Variants in SUGP1 observed in about 807,000 individuals in gnomAD.
SUGP1 encodes the protein SURP and G-patch domain-containing protein 1.
In SUGP1, 34 loss-of-function variants were observed where a neutral mutation model predicts 76.5. The ratio of observed to expected loss-of-function variants is 0.44; its 90% confidence interval spans 0.34 to 0.59. SUGP1 has a LOEUF of 0.59. Ranked by LOEUF, SUGP1 falls within the 20% of genes least tolerant of loss-of-function variation. SUGP1 has a pLI of 0.01. For synonymous variants in SUGP1, 326 were observed against 326.2 expected, an observed-to-expected ratio of 1.00 and a Z score of 0.01; for missense variants, 752 against 851.7, an observed-to-expected ratio of 0.88 and a Z score of 1.46.
At chr19:19,279,995 G>A (rs2061085222) in intron 9 of SUGP1, among the ~76,000 whole-genome samples, 190 bp downstream of exon 9, 1 of 152,202 alleles carries the variant, frequency 6.6e-6, no homozygotes, top group African/African-American at 2.4e-5. Context: ...GGTGCAGTGG[G>A]GGGTGGCATG....
chr19:19,296,918 C>G, intron 8 of SUGP1, 71 bp downstream of exon 8: 3 of 1,300,736 alleles, frequency 2.3e-6, no homozygotes, highest in Non-Finnish European at 2.1e-6. Context: ...GTGGATGAAC[C>G]TTGAAGACAT....
intron 8 of SUGP1, among the ~76,000 whole-genome samples, chr19:19,286,797 A>G (rs1294680071): frequency 6.6e-6 from 1 of 152,224 alleles, no homozygotes; most frequent in African/African-American, 2.4e-5. Flanking sequence ...CAATCCCAGC[A>G]CTTCGGAAGC....
At chr19:19,297,425 T>TTCTGGGCAGGAGCAGTTCTGGCCC in intron 7 of SUGP1, 81 bp from the exon 8 acceptor site, 1 of 1,175,990 alleles carries the variant, frequency 8.5e-7, no homozygotes, top group Non-Finnish European at 1.2e-6. Flanking sequence ...AGTTCTGGCC[T>TTCTGGGCAGGAGCAGTTCTGGCCC]TGTGTGCCCA....
intron 2 of SUGP1, among the ~76,000 whole-genome samples, chr19:19,313,263 C>T (rs1233780035): frequency 6.6e-6 from 1 of 151,452 alleles, no homozygotes; most frequent in Admixed American, 6.6e-5. Context: ...GGCGTGGTAG[C>T]GGGCACCTGT....
chr19:19,310,079 G>A lies in SUGP1; in HGVS notation c.310+18C>T, dbSNP rs1221143609. The A allele has an allele frequency of 1.2e-6, 2 of 1,601,598 alleles. No homozygotes were observed. On this transcript the variant is annotated intron_variant, in intron 3 of 13. Transcript: ENST00000247001. ...GAGATGCAAGGACAGCACAAGGAAA[G>A]GGGAGGCCTACACTCACCTGTGCTG...
chr19:19,315,244 C>T (rs2061384538), intron 2 of SUGP1, among the ~76,000 whole-genome samples: 2 of 152,014 alleles, frequency 1.3e-5, no homozygotes, highest in African/African-American at 4.8e-5. Context: ...AAGAGAACTG[C>T]TAAAGCCCAA....
intron 8 of SUGP1, chr19:19,280,678 G>A (rs1023515979): frequency 9.9e-6 from 2 of 203,010 alleles, no homozygotes; most frequent in South Asian, 1.0e-4. Flanking sequence ...ACGCACAAAC[G>A]GGCTCTCAGA....
Position 19,276,968 on chromosome 19 carries a change from G to A in SUGP1, c.1890C>T (p.Tyr630=). Residue 630 remains tyrosine (Y), a synonymous_variant, in exon 13 of 14, where the codon TAC becomes TAT. Transcript: ENST00000247001. ...EAFRKRMMLA[Y]RFRPNPLNNP... ...GTACCAGGGGGTTGGGCCGGAAGCG[G>A]TAGGCCAGCATCATCCTCTTGCGGA... 6 of 1,613,160 alleles carry A rather than the reference G, an allele frequency of 3.7e-6. No individual in the cohort carries two copies. The highest frequency in any genetic ancestry group is 4.2e-6 in the Non-Finnish European group (5 of 1,180,014).
chr19:19,278,882 G>A, intron 10 of SUGP1, 86 bp from the exon 11 acceptor site: 1 of 1,413,560 alleles, frequency 7.1e-7, no homozygotes, highest in Admixed American at 2.0e-5. Context: ...CAGGTATGAG[G>A]CTCAGTGGGA....
At chr19:19,310,249 T>G (rs191547557) in intron 2 of SUGP1, 49 bp from the exon 3 acceptor site, 23 of 1,423,606 alleles carry the variant, frequency 1.6e-5, no homozygotes, top group Non-Finnish European at 1.8e-5. Flanking sequence ...AGAGATGGAG[T>G]GAGGGCACCA....
chr19:19,283,440 GTT>G (rs148030853), intron 8 of SUGP1, among the ~76,000 whole-genome samples: 62,450 of 147,166 alleles, frequency 0.42, 14,455 homozygotes, highest in African/African-American at 0.62. Flanking sequence ...TGCCCAGCTA[GTT>G]TTTTTTTTTC....
intron 3 of SUGP1, among the ~76,000 whole-genome samples, chr19:19,309,866 C>T (rs2061341659): frequency 6.6e-6 from 1 of 152,102 alleles, no homozygotes; most frequent in South Asian, 2.1e-4. Context: ...GAGCCGAGAT[C>T]GCGCCACCGC....
Position 19,297,174 on chromosome 19 carries a change from C to A in SUGP1, c.1058G>T (p.Cys353Phe). Residue 353 changes from cysteine (C) to phenylalanine (F), a missense_variant, in exon 8 of 14, where the codon TGC becomes TTC. Around this residue, in one of 2 missense-constraint regions of SUGP1, gnomAD observed 620 missense variants for 617.3 expected, o/e 1.00. Coordinates refer to ENST00000247001, the MANE Select transcript of SUGP1 (RefSeq NM_172231.4). The stretch of plus-strand genomic sequence containing the variant: ...GGGCGCAGGCGTGGACGAGGCGGGG[C>A]AGGTGGTGGCTGGGGGTAAGGACCC... ...LSGSLPPATT[C>F]PASSTPAPTI... is the part of the protein sequence containing the mutation. 2 of 1,610,656 alleles carry A rather than the reference C, an allele frequency of 1.2e-6. No individual in the cohort carries two copies. The highest frequency in any genetic ancestry group is 1.7e-6 in the Non-Finnish European group (2 of 1,177,466).
chr19:19,314,152 T>C (rs904131689), intron 2 of SUGP1, among the ~76,000 whole-genome samples: 9 of 147,716 alleles, frequency 6.1e-5, no homozygotes, highest in African/African-American at 2.3e-4. Context: ...ATAAAATAAA[T>C]AAATAAATAA....
chr19:19,296,646 CAAAAAAA>C (rs535312697), intron 8 of SUGP1, among the ~76,000 whole-genome samples: 1 of 109,964 alleles, frequency 9.1e-6, no homozygotes, highest in African/African-American at 3.5e-5. Flanking sequence ...GACTCTGTCT[CAAAAAAA>C]AAAAGAAAAA....
chr19:19,277,831 C>A lies in SUGP1; in HGVS notation c.1684G>T (p.Val562Leu). The stretch of plus-strand genomic sequence containing the variant: ...AGCATCTGGTAGCCGATGTTCTCCA[C>A]AGTCAGCTTGAACTCCTTGTACTCT... ...YSEYKEFKLT[V>L]ENIGYQMLMK... Residue 562 changes from valine to leucine, a missense_variant, in exon 12 of 14, where the codon GTG (valine) becomes TTG (leucine). This residue lies in a region of SUGP1 where 132 missense variants were observed against 234.4 expected (regional missense o/e 0.56). Transcript: ENST00000247001. 1 of 1,614,098 alleles carries A rather than the reference C, an allele frequency of 6.2e-7. No individual in the cohort carries two copies. The highest frequency in any genetic ancestry group is 8.5e-7 in the Non-Finnish European group (1 of 1,179,996).
chr19:19,292,954 T>G (rs1314251959), intron 8 of SUGP1, among the ~76,000 whole-genome samples: 2 of 152,076 alleles, frequency 1.3e-5, no homozygotes, highest in Non-Finnish European at 2.9e-5. Context: ...TTGCCCAGGC[T>G]GGAGTGCAGT....
chr19:19,279,477 A>G, intron 9 of SUGP1, 87 bp from the exon 10 acceptor site: 1 of 1,430,540 alleles, frequency 7.0e-7, no homozygotes, highest in Non-Finnish European at 9.3e-7. Flanking sequence ...AGTGCTGGGC[A>G]TCCCCCGCCG....
intron 3 of SUGP1, 118 bp from the exon 4 acceptor site, chr19:19,306,194 G>C: frequency 1.0e-6 from 1 of 989,440 alleles, no homozygotes; most frequent in Non-Finnish European, 1.4e-6. Flanking sequence ...CCAGAACTCA[G>C]GGGCTCAGAG....
Sources: gnomAD v4.1 joint callset for allele counts (sites outside exome capture counted in the v4.1 genomes callset) on GRCh38, gnomAD v4.1.1 for gene constraint, gnomAD v4.1.1 regional missense constraint, MANE v1.5 for transcripts, NCBI Gene and HGNC (gene_info 2026-07-23, HGNC 2026-07-21) for gene names.